The following PYGO1 variants were observed in gnomAD, a reference collection of about 807,000 sequenced individuals.
PYGO1 encodes the protein pygopus homolog 1.
In PYGO1, 6 loss-of-function variants were observed where a neutral mutation model predicts 29.5. The ratio of observed to expected loss-of-function variants is 0.20; its 90% CI spans 0.11 to 0.40. PYGO1 has a LOEUF of 0.40. Among genes scored for constraint, PYGO1 ranks in the 10% least tolerant of loss-of-function variants. The probability of loss-of-function intolerance (pLI) is 1.00; values close to 1 mark genes in which losing one functional copy is unlikely to be tolerated. For synonymous variants in PYGO1, 186 were observed against 180.5 expected, an observed-to-expected ratio of 1.03 and a Z score of -0.24; for missense variants, 515 against 514.9, an observed-to-expected ratio of 1.00 and a Z score of 0.00.
chr15:55,555,532 G>A (rs577758924), intron 1 of PYGO1, among the ~76,000 whole-genome samples: 1 of 99,474 alleles, frequency 1.0e-5, no homozygotes, highest in Non-Finnish European at 1.8e-5. Context: ...GTGGGGTGGG[G>A]GGAGGGGGGA....
chr15:55,588,083 C>T lies in PYGO1; in HGVS notation c.-200G>A. 1.0e-6 allele frequency: 1 copy of T among 958,790 alleles called. No individual in the cohort carries two copies. The highest frequency in any genetic ancestry group is 1.3e-6 in the Non-Finnish European group (1 of 799,360). The allele number at this position is 958,790 out of a possible 1,614,324, so 59.4% of individuals were successfully genotyped here. On this transcript the variant is annotated 5_prime_UTR_variant, in exon 1 of 3. Coordinates refer to ENST00000563719, the MANE Select transcript of PYGO1 (RefSeq NM_001367806.1). ...ACGAGGCCTCGGGGCGGCGGGGCGG[C>T]GGGGCGGCGTGCGGGCACCGGCGGG...
chr15:55,560,095 C>T (rs1595986114), intron 1 of PYGO1, among the ~76,000 whole-genome samples: 1 of 152,038 alleles, frequency 6.6e-6, no homozygotes, highest in Non-Finnish European at 1.5e-5. Flanking sequence ...TGGGCAAAAG[C>T]TGGAAGCATT....
Position 55,543,158 on chromosome 15 carries a change from T to G in PYGO1, c.*2865A>C, listed in dbSNP as rs2058835450. ...ATACCAAAAAAGGTACAATTCCACC[T>G]GTGTTTTTTTCCATCACTGCATATT... is the stretch of plus-strand genomic sequence containing the variant. On this transcript the variant is annotated 3_prime_UTR_variant, in exon 3 of 3. Transcript: ENST00000563719. The G allele has an allele frequency of 1.3e-5, 2 of 152,086 alleles. 1 individual carries two copies. The highest frequency in any genetic ancestry group is 4.1e-4 in the South Asian group (2 of 4,830). The allele number at this position is 152,086 out of a possible 1,614,324, so 9.4% of individuals were successfully genotyped here.
In PYGO1 at chr15:55,546,022, A is replaced by G. The variant is rs1216654735; in HGVS notation, c.*1T>C. On this transcript the variant is annotated 3_prime_UTR_variant, in exon 3 of 3. Coordinates refer to ENST00000563719, the MANE Select transcript of PYGO1 (RefSeq NM_001367806.1). ...AAACCCACTTTAGTTAATGCCTTTG[A>G]TTAAGCATCACTGCCCACTGCAGAT... The G allele has an allele frequency of 6.3e-7, 1 of 1,592,506 alleles. No individual in the cohort carries two copies.
At chr15:55,561,979 G>C (rs964657419) in intron 1 of PYGO1, among the ~76,000 whole-genome samples, 2 of 151,870 alleles carry the variant, frequency 1.3e-5, no homozygotes, top group African/African-American at 4.8e-5. Context: ...AGTCTACAAG[G>C]AACTTAAATT....
At position 55,547,129 on chromosome 15, in the gene PYGO1, A is replaced by G. The variant is rs771984532; in HGVS notation, c.154T>C (p.Leu52=). ...TTCGGTGGTGGAGCATACTCAGACA[A>G]TGGAGGGAAAGAAGGTCCCTGAAAT... ...ANTQGPSFPP[L]SEYAPPPNPN... The change falls in exon 3 of 3, where the codon TTG becomes CTG. Residue 52 remains leucine, a synonymous_variant. Coordinates refer to ENST00000563719, the MANE Select transcript of PYGO1 (RefSeq NM_001367806.1). 4 of 1,598,782 alleles carry G rather than the reference A, an allele frequency of 2.5e-6. No homozygotes were observed. The highest frequency in any genetic ancestry group is 3.4e-6 in the Non-Finnish European group (4 of 1,172,432).
intron 1 of PYGO1, among the ~76,000 whole-genome samples, chr15:55,577,347 G>A (rs567739080): frequency 1.3e-5 from 2 of 152,094 alleles, no homozygotes; most frequent in African/African-American, 2.4e-5. Context: ...GATGTCTCAC[G>A]TCTACCTAAA....
Position 55,542,133 on chromosome 15 carries a change from T to C in PYGO1, c.*3890A>G, listed in dbSNP as rs974864623. ...AATCATTGCTTATATATTTTCTTAC[T>C]ATTAAATACAATTACTATAGTACAT... On this transcript the variant is annotated 3_prime_UTR_variant, in exon 3 of 3. Coordinates refer to ENST00000563719, the MANE Select transcript of PYGO1 (RefSeq NM_001367806.1). The C allele has an allele frequency of 1.3e-5, 2 of 152,240 alleles. No individual in the cohort carries two copies. The highest frequency in any genetic ancestry group is 2.9e-5 in the Non-Finnish European group (2 of 68,036). The allele number at this position is 152,240 out of a possible 1,614,324, so 9.4% of individuals were successfully genotyped here.
At chr15:55,566,966 A>G (rs1027638555) in intron 1 of PYGO1, among the ~76,000 whole-genome samples, 2 of 152,104 alleles carry the variant, frequency 1.3e-5, no homozygotes, top group Admixed American at 1.3e-4. Context: ...TCCTGGGCTC[A>G]AGCAATCCAC....
At chr15:55,551,288 T>C (rs2058877642) in intron 1 of PYGO1, among the ~76,000 whole-genome samples, 1 of 152,246 alleles carries the variant, frequency 6.6e-6, no homozygotes. Flanking sequence ...ACCTAATTTC[T>C]GGTTGATTTT....
intron 1 of PYGO1, among the ~76,000 whole-genome samples, chr15:55,575,782 G>A (rs1339716238): frequency 6.6e-6 from 1 of 152,058 alleles, no homozygotes; most frequent in Non-Finnish European, 1.5e-5. Flanking sequence ...CAGGTGTCTG[G>A]GTCCCAGGCC....
chr15:55,552,588 C>A (rs932947708), intron 1 of PYGO1, among the ~76,000 whole-genome samples: 15 of 151,990 alleles, frequency 9.9e-5, no homozygotes, highest in African/African-American at 2.9e-4. Flanking sequence ...CACCTCCAGC[C>A]AAGGGAAGCA....
chr15:55,557,292 G>C (rs557182776), intron 1 of PYGO1, among the ~76,000 whole-genome samples: 102 of 152,154 alleles, frequency 6.7e-4, no homozygotes, highest in African/African-American at 2.4e-3. Context: ...GACTAAACCA[G>C]GAAGAAGTTG....
In PYGO1 at chr15:55,586,322, C is replaced by G. The variant is rs571118601; in HGVS notation, c.49+1513G>C. On this transcript the variant is annotated intron_variant, in intron 1 of 2. Coordinates refer to ENST00000563719, the MANE Select transcript of PYGO1 (RefSeq NM_001367806.1). ...TTCTCCGCACAGCAGCTTAAGATGC[C>G]CTGTTTAAAATGTCAGATCACTCAC... Among the ~76,000 whole-genome samples the G allele has an allele frequency of 9.2e-5, 14 of 152,220 alleles. 1 individual carries two copies. Among genetic ancestry groups the G allele is most frequent in the Admixed American group, 6.5e-4 (10 of 15,298 alleles).
chr15:55,581,662 G>T (rs146567677), intron 1 of PYGO1, among the ~76,000 whole-genome samples: 1 of 152,034 alleles, frequency 6.6e-6, no homozygotes, highest in Admixed American at 6.6e-5. Context: ...TCAATTCCTC[G>T]ACTGTAAACC....
chr15:55,576,769 G>GAAAAAA (rs1228963396), intron 1 of PYGO1, among the ~76,000 whole-genome samples: 2 of 90,958 alleles, frequency 2.2e-5, no homozygotes, highest in Non-Finnish European at 3.8e-5. Flanking sequence ...TCAAAAAAAA[G>GAAAAAA]AAGTGGGGGA....
Position 55,545,970 on chromosome 15 carries a change from A to T in PYGO1, c.*53T>A. On this transcript the variant is annotated 3_prime_UTR_variant, in exon 3 of 3. Coordinates refer to ENST00000563719, the MANE Select transcript of PYGO1 (RefSeq NM_001367806.1). ...TGTAAAACATTAAAATCCTGTGTCA[A>T]TGAACTTCTGCAATGCACAGGAAAA... 6.8e-7 allele frequency: 1 copy of T among 1,470,962 alleles called. No homozygotes were observed. The highest frequency in any genetic ancestry group is 2.3e-5 in the East Asian group (1 of 43,614). The allele number at this position is 1,470,962 out of a possible 1,614,324, so 91.1% of individuals were successfully genotyped here.
chr15:55,545,198 A>G lies in PYGO1; in HGVS notation c.*825T>C, dbSNP rs2058844273. 2.0e-5 allele frequency: 3 copies of G among 152,332 alleles called. No individual in the cohort carries two copies. In the South Asian group the frequency reaches 6.2e-4, roughly 32 times the overall value. The allele number at this position is 152,332 out of a possible 1,614,324, so 9.4% of individuals were successfully genotyped here. A position where few individuals can be genotyped will look rare whatever the true frequency, so the allele number is the denominator to read the frequency against. On this transcript the variant is annotated 3_prime_UTR_variant, in exon 3 of 3. Coordinates refer to ENST00000563719, the MANE Select transcript of PYGO1 (RefSeq NM_001367806.1). ...TCAAAATTATAAAAAAGTATTCACAATTCTTCTGTGGATACTATAGTATTT... is the reference window on the plus strand; with the variant it reads ...TCAAAATTATAAAAAAGTATTCACAGTTCTTCTGTGGATACTATAGTATTT...
In PYGO1 at chr15:55,573,760, T is replaced by C. The variant is rs190917034; in HGVS notation, c.49+14075A>G. ...ACTACTAAAATAGGCTACTGTTGAC[T>C]GGAAGCCTTAACAGATAACATGAAG... On this transcript the variant is annotated intron_variant, in intron 1 of 2. Transcript: ENST00000563719. Among the ~76,000 whole-genome samples the C allele has an allele frequency of 2.1e-3, 320 of 152,350 alleles. 1 individual carries two copies. The highest frequency in any genetic ancestry group is 6.9e-3 in the African/African-American group (286 of 41,576).
Sources: allele counts gnomAD v4.1 joint callset (sites outside exome capture counted in the v4.1 genomes callset), GRCh38; gene constraint gnomAD v4.1.1; transcripts MANE v1.5; gene names NCBI Gene and HGNC (gene_info 2026-07-23, HGNC 2026-07-21).